PLSCR4: variants seen among roughly 807,000 people sequenced by gnomAD.
PLSCR4 encodes Ca(2+)-dependent phospholipid scramblase 4.
PLSCR4 carries 25 observed loss-of-function variants against 36.3 expected under a neutral mutation model. The ratio of observed to expected loss-of-function variants is 0.69; its 90% CI spans 0.50 to 0.96. PLSCR4 has a LOEUF of 0.96. Among genes scored for constraint, PLSCR4 ranks in the 40% least tolerant of loss-of-function variants. PLSCR4 has a pLI of 0.00. For synonymous variants in PLSCR4, 122 were observed against 132.9 expected (o/e 0.92, Z 0.56); for missense variants, 408 against 414.7 (o/e 0.98, Z 0.14).
At chr3:146,227,790 A>G (rs1274315868) in intron 1 of PLSCR4, among the ~76,000 whole-genome samples, 8 of 152,230 alleles carry the variant, frequency 5.3e-5, no homozygotes, top group Admixed American at 3.9e-4. Context: ...AAGCAGGTCA[A>G]TGAGCAATTC....
At position 146,233,431 on chromosome 3, in the gene PLSCR4, G is replaced by A. The variant is rs116681522; in HGVS notation, c.-21-11339C>T. Reference sequence around the variant, plus strand: ...TCAATTTAAAGCTAACTTGAATGGGGCCCCACGGAAAATGGGGATTCTTAT... The same window carrying A: ...TCAATTTAAAGCTAACTTGAATGGGACCCCACGGAAAATGGGGATTCTTAT... On this transcript the variant is annotated intron_variant, in intron 1 of 8. Coordinates refer to ENST00000354952, the MANE Select transcript of PLSCR4 (RefSeq NM_020353.3). Among the ~76,000 whole-genome samples, 1,490 of 152,122 alleles carry A rather than the reference G, an allele frequency of 9.8e-3. 13 individuals carry two copies. Among genetic ancestry groups the A allele is most frequent in the South Asian group, 0.022 (104 of 4,814 alleles).
intron 5 of PLSCR4, among the ~76,000 whole-genome samples, chr3:146,200,513 C>CAGT (rs1352139320): frequency 6.6e-6 from 1 of 152,022 alleles, no homozygotes; most frequent in Non-Finnish European, 1.5e-5. Flanking sequence ...TAGTGAGGGT[C>CAGT]AGTACTCTTG....
At chr3:146,221,943 G>T in intron 2 of PLSCR4, 122 bp downstream of exon 2, 1 of 470,084 alleles carries the variant, frequency 2.1e-6, no homozygotes, top group Non-Finnish European at 3.8e-6. Flanking sequence ...ACACACACAC[G>T]TATTTATATT....
intron 1 of PLSCR4, among the ~76,000 whole-genome samples, chr3:146,246,737 A>C (rs1273659342): frequency 6.6e-6 from 1 of 152,146 alleles, no homozygotes; most frequent in African/African-American, 2.4e-5. Flanking sequence ...AAATTGTAGT[A>C]AAACAAGATG....
chr3:146,196,483 A>G, intron 7 of PLSCR4, 149 bp downstream of exon 7: 2 of 730,292 alleles, frequency 2.7e-6, no homozygotes, highest in Non-Finnish European at 4.5e-6. Flanking sequence ...ATAACTTTAA[A>G]ATCTTTTGAT....
intron 1 of PLSCR4, among the ~76,000 whole-genome samples, chr3:146,222,644 T>A (rs1028354597): frequency 6.6e-6 from 1 of 152,044 alleles, no homozygotes; most frequent in Non-Finnish European, 1.5e-5. Context: ...TGGGCCACAG[T>A]GAGTGAAGCG....
At chr3:146,232,381 A>G (rs2035747585) in intron 1 of PLSCR4, among the ~76,000 whole-genome samples, 1 of 152,134 alleles carries the variant, frequency 6.6e-6, no homozygotes, top group South Asian at 2.1e-4. Context: ...GTGAAAAATG[A>G]CATTGGTAGT....
At chr3:146,245,555 A>C (rs950465113) in intron 1 of PLSCR4, among the ~76,000 whole-genome samples, 2 of 152,098 alleles carry the variant, frequency 1.3e-5, no homozygotes, top group African/African-American at 2.4e-5. Flanking sequence ...CATTATCATG[A>C]AACATTATGA....
At chr3:146,241,001 A>G (rs2036128171) in intron 1 of PLSCR4, among the ~76,000 whole-genome samples, 1 of 152,198 alleles carries the variant, frequency 6.6e-6, no homozygotes, top group South Asian at 2.1e-4. Flanking sequence ...TGACTCAGCC[A>G]TACAAAGTAA....
chr3:146,226,720 T>C (rs2035494195), intron 1 of PLSCR4, among the ~76,000 whole-genome samples: 1 of 152,170 alleles, frequency 6.6e-6, no homozygotes, highest in Admixed American at 6.5e-5. Flanking sequence ...ACTAATTCAA[T>C]GTAAAGAAAA....
At chr3:146,225,673 A>C (rs111652272) in intron 1 of PLSCR4, among the ~76,000 whole-genome samples, 1 of 151,924 alleles carries the variant, frequency 6.6e-6, no homozygotes, top group African/African-American at 2.4e-5. Context: ...CCACTGGCCC[A>C]GGAGCTAAGT....
At chr3:146,241,444 AAAGT>A (rs1559928672) in intron 1 of PLSCR4, among the ~76,000 whole-genome samples, 2 of 152,226 alleles carry the variant, frequency 1.3e-5, no homozygotes, top group Non-Finnish European at 2.9e-5. Context: ...CTATCACTTA[AAAGT>A]AAGAGACAAT....
chr3:146,246,290 A>G (rs967439860), intron 1 of PLSCR4, among the ~76,000 whole-genome samples: 7 of 152,162 alleles, frequency 4.6e-5, no homozygotes, highest in African/African-American at 1.7e-4. Flanking sequence ...CAAGGGCAAA[A>G]CCTAAGATTT....
chr3:146,207,199 G>A (rs935895073), intron 3 of PLSCR4, among the ~76,000 whole-genome samples: 17 of 151,938 alleles, frequency 1.1e-4, no homozygotes, highest in African/African-American at 4.1e-4. Context: ...TATTGTTTGT[G>A]GTTACATAAA....
At chr3:146,207,744 T>C (rs970549120) in intron 3 of PLSCR4, among the ~76,000 whole-genome samples, 1 of 152,092 alleles carries the variant, frequency 6.6e-6, no homozygotes, top group Non-Finnish European at 1.5e-5. Flanking sequence ...CCCTCTATCA[T>C]TTCTCCCCAT....
chr3:146,215,048 C>T (rs1188401457), intron 3 of PLSCR4, among the ~76,000 whole-genome samples: 2 of 151,858 alleles, frequency 1.3e-5, no homozygotes, highest in Non-Finnish European at 2.9e-5. Context: ...ATAATTTTTT[C>T]CTCAAAGTAT....
intron 1 of PLSCR4, among the ~76,000 whole-genome samples, chr3:146,229,710 C>T (rs1026980689): frequency 2.0e-5 from 3 of 151,310 alleles, no homozygotes; most frequent in African/African-American, 4.9e-5. Flanking sequence ...CTGCAAGCTC[C>T]GCCTCCCGGG....
At chr3:146,224,396 G>C (rs2035337883) in intron 1 of PLSCR4, among the ~76,000 whole-genome samples, 1 of 152,150 alleles carries the variant, frequency 6.6e-6, no homozygotes, top group Admixed American at 6.5e-5. Flanking sequence ...CAGAATTGGT[G>C]GGTTCTTGGT....
intron 3 of PLSCR4, among the ~76,000 whole-genome samples, chr3:146,209,163 A>G (rs1360001282): frequency 6.6e-6 from 1 of 152,160 alleles, no homozygotes; most frequent in African/African-American, 2.4e-5. Context: ...TCAGGAATGG[A>G]AAACCAAATA....
Sources: gnomAD v4.1 joint callset for allele counts (sites outside exome capture counted in the v4.1 genomes callset) on GRCh38, gnomAD v4.1.1 for gene constraint, MANE v1.5 for transcripts, NCBI Gene and HGNC (gene_info 2026-07-23, HGNC 2026-07-21) for gene names.